Variants in CNDP2 observed in about 807,000 individuals in gnomAD.
CNDP2 encodes the protein cytosolic non-specific dipeptidase.
CNDP2 carries 38 observed loss-of-function variants against 55.0 expected under a neutral mutation model. The ratio of observed to expected loss-of-function variants is 0.69; its 90% CI spans 0.53 to 0.90. The LOEUF (loss-of-function observed/expected upper bound fraction) is 0.90, where lower values mean the gene tolerates loss of function less well. CNDP2 is among the 40% of genes least tolerant of loss of function. The pLI, the probability that CNDP2 is intolerant of heterozygous loss-of-function variation, is 0.00. For synonymous variants in CNDP2, 241 were observed against 260.2 expected (o/e 0.93, Z 0.71); for missense variants, 607 against 621.7 (o/e 0.98, Z 0.25).
chr18:74,512,948 C>T (rs566658279), intron 7 of CNDP2, among the ~76,000 whole-genome samples: 2 of 152,330 alleles, frequency 1.3e-5, no homozygotes, highest in East Asian at 1.9e-4. Flanking sequence ...TCTTTGAGAG[C>T]GGGCATAGCC....
rs201016017 is a variant in CNDP2, at chr18:74,508,862, G to A, written c.390G>A (p.Ser130=). The change falls in exon 5 of 12, where the codon TCG becomes TCA. Residue 130 remains serine, a synonymous_variant. Coordinates refer to ENST00000324262, the MANE Select transcript of CNDP2 (RefSeq NM_018235.3). The part of the protein sequence containing the change: ...ERDGKLYGRG[S]TDDKGPVAGW... The stretch of plus-strand genomic sequence containing the variant: ...TAGGCAAGCTGTATGGGAGAGGTTC[G>A]ACTGATGATAAGGGCCCGGTGGCCG... 25 of 1,614,072 alleles carry A rather than the reference G, an allele frequency of 1.5e-5. No individual in the cohort carries two copies. The highest frequency in any genetic ancestry group is 1.7e-4 in the Middle Eastern group (1 of 6,060).
At chr18:74,516,440 GGGCAGAGACTTGGGTAATATA>G (rs1979672769) in intron 9 of CNDP2, 48 bp downstream of exon 9, 1 of 1,536,282 alleles carries the variant, frequency 6.5e-7, no homozygotes, top group Non-Finnish European at 8.8e-7. Flanking sequence ...TACTGTGTCC[GGGCAGAGACTTGGGTAATATA>G]GGCTGTTACT....
rs758380503 is a variant in CNDP2, at chr18:74,508,856, A to G, written c.384A>G (p.Arg128=). The G allele has an allele frequency of 2.5e-6, 4 of 1,613,842 alleles. No homozygotes were observed. Among genetic ancestry groups the G allele is most frequent in the Admixed American group, 1.7e-5 (1 of 59,970 alleles). The change falls in exon 5 of 12, where the codon AGA becomes AGG. Residue 128 remains arginine (R), a synonymous_variant. Transcript: ENST00000324262. The part of the protein sequence containing the change: ...LVERDGKLYG[R]GSTDDKGPVA... ...CTGTTCTAGGCAAGCTGTATGGGAG[A>G]GGTTCGACTGATGATAAGGGCCCGG...
intron 3 of CNDP2, among the ~76,000 whole-genome samples, chr18:74,501,978 C>A (rs1389228113): frequency 6.6e-6 from 1 of 152,138 alleles, no homozygotes; most frequent in Admixed American, 6.5e-5. Flanking sequence ...ACTGCAACCT[C>A]CGCCTCCCGG....
At position 74,520,127 on chromosome 18, in the gene CNDP2, T is replaced by C; in HGVS notation, c.*59T>C. ...GGAATCCTGCCCTCACCTCACCCTT[T>C]TCCAACTTGCCCAGGGAAGTGGAGG... On this transcript the variant is annotated 3_prime_UTR_variant, in exon 12 of 12. Coordinates refer to ENST00000324262, the MANE Select transcript of CNDP2 (RefSeq NM_018235.3). 1 of 1,556,196 alleles carries C rather than the reference T, an allele frequency of 6.4e-7. No homozygotes were observed. Among genetic ancestry groups the C allele is most frequent in the Non-Finnish European group, 8.9e-7 (1 of 1,129,328 alleles).
intron 8 of CNDP2, among the ~76,000 whole-genome samples, chr18:74,515,926 G>C (rs991947860): frequency 1.2e-4 from 19 of 152,224 alleles, no homozygotes; most frequent in African/African-American, 4.3e-4. Context: ...AGTTCTACAG[G>C]TGCTCAGTGG....
Position 74,518,980 on chromosome 18 carries a change from A to T in CNDP2, c.1242A>T (p.Glu414Asp), listed in dbSNP as rs1979890433. The T allele has an allele frequency of 2.5e-6, 4 of 1,614,080 alleles. No homozygotes were observed. Among genetic ancestry groups the T allele is most frequent in the African/African-American group, 1.3e-5 (1 of 74,920 alleles). ...VFGVEPDLTREGGSIPVTLTF... is the reference protein window; with the variant it reads ...VFGVEPDLTRDGGSIPVTLTF... ...GTGTTGAGCCAGACTTGACCAGGGAAGGCGGCAGTATTCCCGTGACCTTGA... is the reference window on the plus strand; with the variant it reads ...GTGTTGAGCCAGACTTGACCAGGGATGGCGGCAGTATTCCCGTGACCTTGA... Residue 414 changes from glutamate (E) to aspartate (D), a missense_variant, in exon 11 of 12, where the codon GAA (glutamate) becomes GAT (aspartate). Physicochemically the swap from Glu to Asp is conservative, Grantham distance 45. Coordinates refer to ENST00000324262, the MANE Select transcript of CNDP2 (RefSeq NM_018235.3).
Position 74,512,439 on chromosome 18 carries a change from T to A in CNDP2, c.658-9T>A, listed in dbSNP as rs374511347. The A allele has an allele frequency of 6.2e-7, 1 of 1,610,814 alleles. No homozygotes were observed. Among genetic ancestry groups the A allele is most frequent in the African/African-American group, 1.3e-5 (1 of 74,928 alleles). On this transcript the variant is annotated splice_polypyrimidine_tract_variant and intron_variant, in intron 6 of 11. Coordinates refer to ENST00000324262, the MANE Select transcript of CNDP2 (RefSeq NM_018235.3). ...GCAGCCAGACACAGTGGCCTTTGTT[T>A]CCGTGCAGGTGGAGTGCAGCAACAA... is the stretch of plus-strand genomic sequence containing the variant.
chr18:74,502,108 A>T (rs972483038), intron 3 of CNDP2, among the ~76,000 whole-genome samples: 5 of 151,798 alleles, frequency 3.3e-5, no homozygotes, highest in African/African-American at 1.2e-4. Flanking sequence ...CTGGTCTCGA[A>T]CTCCTGACCT....
At chr18:74,497,792 A>T (rs1340075598) in intron 1 of CNDP2, 1 of 152,196 alleles carries the variant, frequency 6.6e-6, no homozygotes, top group African/African-American at 2.4e-5. Context: ...CTCTAAATAA[A>T]TAAATAAAGT....
At chr18:74,506,093 A>C in intron 4 of CNDP2, 82 bp downstream of exon 4, 1 of 1,243,086 alleles carries the variant, frequency 8.0e-7, no homozygotes, top group Non-Finnish European at 1.1e-6. Flanking sequence ...TTCTGTTTCC[A>C]GTACAGACTG....
intron 4 of CNDP2, chr18:74,507,449 T>C (rs1233571692): frequency 1.3e-5 from 2 of 152,774 alleles, no homozygotes; most frequent in Non-Finnish European, 2.9e-5. Context: ...CCACTCCTTT[T>C]CTGGGCTGCT....
chr18:74,517,068 C>G (rs1423205220), intron 9 of CNDP2: 2 of 152,094 alleles, frequency 1.3e-5, no homozygotes, highest in Non-Finnish European at 2.9e-5. Flanking sequence ...ACCAAGGTGC[C>G]GGCAGCTGTG....
rs2144610804 is a variant in CNDP2, at chr18:74,516,347, C to T, written c.1023C>T (p.Ser341=). ...VIPRKVVGKF[S]IRLVPNMTPE... is the part of the protein sequence containing the mutation. ...CCAGGAAGGTGGTTGGCAAGTTCTC[C>T]ATCAGGCTCGTGCCGAACATGACTC... is the stretch of plus-strand genomic sequence containing the variant. Residue 341 remains serine, a synonymous_variant, in exon 9 of 12, where the codon TCC becomes TCT. Coordinates refer to ENST00000324262, the MANE Select transcript of CNDP2 (RefSeq NM_018235.3). The T allele has an allele frequency of 6.2e-7, 1 of 1,613,986 alleles. No homozygotes were observed. The highest frequency in any genetic ancestry group is 8.5e-7 in the Non-Finnish European group (1 of 1,179,932).
At chr18:74,505,752 C>A in intron 3 of CNDP2, 97 bp from the exon 4 acceptor site, 2 of 1,335,110 alleles carry the variant, frequency 1.5e-6, no homozygotes, top group Non-Finnish European at 2.1e-6. Flanking sequence ...TTGATAAGGA[C>A]AGATAAGGAA....
In CNDP2 at chr18:74,522,693, CA is replaced by C. The variant is rs903372681; in HGVS notation, c.*2626del. The C allele has an allele frequency of 2.0e-5, 3 of 152,438 alleles. No homozygotes were observed. Among genetic ancestry groups the C allele is most frequent in the African/African-American group, 7.2e-5 (3 of 41,484 alleles). The allele number at this position is 152,438 out of a possible 1,614,324, so 9.4% of individuals were successfully genotyped here. On this transcript the variant is annotated 3_prime_UTR_variant, in exon 12 of 12. Transcript: ENST00000324262. ...GGCCCTTGCCAGGTTCCGGTCCCTC[CA>C]CCTTGGACCTCCCAGCCTCCCGAAC...
intron 8 of CNDP2, among the ~76,000 whole-genome samples, chr18:74,515,632 A>T (rs1979621278): frequency 6.6e-6 from 1 of 152,134 alleles, no homozygotes; most frequent in Non-Finnish European, 1.5e-5. Flanking sequence ...TACTGCAGGG[A>T]TGCAGGGGGC....
rs992575595 is a variant in CNDP2 at position 74,522,074 on chromosome 18, G to C, written c.*2006G>C. Reference sequence around the variant, plus strand: ...GAGGAAAATCTGTAGTTGGTTTTACGTGGATGTTAATCTCTTAGTTTTGAT... The same window carrying C: ...GAGGAAAATCTGTAGTTGGTTTTACCTGGATGTTAATCTCTTAGTTTTGAT... On this transcript the variant is annotated 3_prime_UTR_variant, in exon 12 of 12. Transcript: ENST00000324262. 1 of 152,188 alleles carries C rather than the reference G, an allele frequency of 6.6e-6. No homozygotes were observed. Among genetic ancestry groups the C allele is most frequent in the Non-Finnish European group, 1.5e-5 (1 of 68,040 alleles). 9.4% of individuals were successfully genotyped at this position (152,188 alleles called of 1,614,324 possible).
Position 74,501,315 on chromosome 18 carries a change from T to G in CNDP2, c.61-14T>G. 6.2e-7 allele frequency: 1 copy of G among 1,610,684 alleles called. No homozygotes were observed. Among genetic ancestry groups the G allele is most frequent in the East Asian group, 2.2e-5 (1 of 44,826 alleles). ...CCTTTTCAGAATCCCTCGTTGCTTC[T>G]TGTCCACAAACAGAAACTCGCAAAA... On this transcript the variant is annotated splice_polypyrimidine_tract_variant and intron_variant, in intron 2 of 11. Transcript: ENST00000324262.
Sources: allele counts gnomAD v4.1 joint callset (sites outside exome capture counted in the v4.1 genomes callset), GRCh38; gene constraint gnomAD v4.1.1; transcripts MANE v1.5; gene names NCBI Gene and HGNC (gene_info 2026-07-23, HGNC 2026-07-21).